DOCK6: variants seen among roughly 807,000 people sequenced by gnomAD.
DOCK6 encodes the protein dedicator of cytokinesis 6, also known as dedicator of cytokinesis protein 6.
A neutral mutation model predicts 230.3 loss-of-function variants in DOCK6; 167 were observed. The ratio of observed to expected loss-of-function variants is 0.73; its 90% CI spans 0.64 to 0.82. The LOEUF (loss-of-function observed/expected upper bound fraction) is 0.82. Ranked by LOEUF, DOCK6 falls within the 40% of genes least tolerant of loss-of-function variation. The pLI is 0.00. For synonymous variants in DOCK6, 1,148 were observed against 1,185.0 expected (o/e 0.97, Z 0.64); for missense variants, 2,598 against 2,825.8 (o/e 0.92, Z 1.83).
rs897769469 is a variant in DOCK6, at chr19:11,223,642, TTTAA to T, written c.2956-540_2956-537del. On this transcript the variant is annotated intron_variant, in intron 24 of 47. Transcript: ENST00000294618. Reference sequence around the variant, plus strand: ...TACCATCATTTATTTTTATTTTAATTTTAATTAATTAATTTATTTTTTGAGATGG... The same window carrying T: ...TACCATCATTTATTTTTATTTTAATTTTAATTAATTTATTTTTTGAGATGG... Among the ~76,000 whole-genome samples, 61 of 152,268 alleles carry T rather than the reference TTTAA, an allele frequency of 4.0e-4. 1 individual carries two copies. The highest frequency in any genetic ancestry group is 2.3e-3 in the East Asian group (12 of 5,184).
Position 11,202,563 on chromosome 19 carries a change from C to A in DOCK6, c.5361+21G>T, listed in dbSNP as rs763753423. The A allele has an allele frequency of 4.3e-6, 7 of 1,613,840 alleles. No homozygotes were observed. Among genetic ancestry groups the A allele is most frequent in the Non-Finnish European group, 5.9e-6 (7 of 1,179,906 alleles). On this transcript the variant is annotated intron_variant, in intron 42 of 47. Transcript: ENST00000294618. This position sits in a 1 kb window ranked among gnomAD's most constrained non-coding sequence, Gnocchi z 5.3. ...CAAGGCAGCCCCATGCCCCGTTCCA[C>A]CCCCAACCACAAGGACGTGCCTCCA... is the stretch of plus-strand genomic sequence containing the variant.
chr19:11,221,687 G>T, intron 28 of DOCK6, 164 bp downstream of exon 28: 1 of 986,116 alleles, frequency 1.0e-6, no homozygotes, highest in Non-Finnish European at 1.5e-6. Flanking sequence ...CTGAGGCTCA[G>T]AGATGTTATG....
At chr19:11,241,503 A>C (rs1362408219) in intron 14 of DOCK6, 3 of 1,552,870 alleles carry the variant, frequency 1.9e-6, no homozygotes, top group Admixed American at 3.9e-5. Context: ...GTGCAGCGGC[A>C]GAGGCGGGAG....
chr19:11,226,781 G>A (rs776345801), intron 24 of DOCK6, among the ~76,000 whole-genome samples: 2 of 152,192 alleles, frequency 1.3e-5, no homozygotes, highest in African/African-American at 4.8e-5. Context: ...TAGCCCCTGA[G>A]GGCATTGGAA....
intron 28 of DOCK6, chr19:11,221,379 C>T: frequency 6.1e-6 from 1 of 164,486 alleles, no homozygotes; most frequent in South Asian, 1.7e-4. Context: ...AGAATTTCCC[C>T]AAACTGATGA....
chr19:11,224,867 A>G (rs2147790835), intron 24 of DOCK6, among the ~76,000 whole-genome samples: 1 of 152,144 alleles, frequency 6.6e-6, no homozygotes, highest in Non-Finnish European at 1.5e-5. Context: ...GTTTGAGATC[A>G]GCCTGGCCAA....
rs1470542380 is a variant in DOCK6 at position 11,252,556 on chromosome 19, G to C, written c.309-6C>G. ...TCACCTGGGCATCCAGTTTTCTGCAGCAAAAGAAGATCAGGGTAAACAGAG... is the reference window on the plus strand; with the variant it reads ...TCACCTGGGCATCCAGTTTTCTGCACCAAAAGAAGATCAGGGTAAACAGAG... On this transcript the variant is annotated splice_polypyrimidine_tract_variant and splice_region_variant and intron_variant, in intron 3 of 47. Transcript: ENST00000294618. The C allele has an allele frequency of 6.2e-7, 1 of 1,613,906 alleles. No homozygotes were observed. The highest frequency in any genetic ancestry group is 2.2e-5 in the East Asian group (1 of 44,880).
chr19:11,260,579 CA>C (rs1008729980), intron 1 of DOCK6, among the ~76,000 whole-genome samples: 1 of 134,548 alleles, frequency 7.4e-6, no homozygotes, highest in Non-Finnish European at 1.6e-5. Context: ...GACCCTGTCT[CA>C]AAAAAAGAAA....
chr19:11,221,281 T>G (rs1213476921), intron 28 of DOCK6: 1 of 158,224 alleles, frequency 6.3e-6, no homozygotes, highest in Non-Finnish European at 1.4e-5. Context: ...ATAACAGATG[T>G]GATCAAAAGG....
intron 28 of DOCK6, among the ~76,000 whole-genome samples, chr19:11,220,215 A>T (rs1264416389): frequency 2.0e-5 from 3 of 152,286 alleles, no homozygotes; most frequent in East Asian, 3.9e-4. Flanking sequence ...CGGCCTCCCA[A>T]AGTGCTGGGA....
At position 11,202,760 on chromosome 19, in the gene DOCK6, C is replaced by G. The variant is rs1408709996; in HGVS notation, c.5236-51G>C. On this transcript the variant is annotated intron_variant, in intron 41 of 47. Transcript: ENST00000294618. The surrounding 1 kb of genome is among the most constrained non-coding windows in gnomAD (Gnocchi z 5.3). Reference sequence around the variant, plus strand: ...TGTCCGGGAGGCCCCTGCTGGAGGTCTCCCTGCCCCAGAGATAGGTGTCTC... The same window carrying G: ...TGTCCGGGAGGCCCCTGCTGGAGGTGTCCCTGCCCCAGAGATAGGTGTCTC... 3 of 1,607,970 alleles carry G rather than the reference C, an allele frequency of 1.9e-6. No individual in the cohort carries two copies. Among genetic ancestry groups the G allele is most frequent in the Non-Finnish European group, 1.7e-6 (2 of 1,179,832 alleles).
rs1212442713 is a variant in DOCK6, at chr19:11,201,245, G to C, written c.5689-193C>G. 6.6e-6 allele frequency among the ~76,000 whole-genome samples: 1 copy of C among 152,112 alleles called. No homozygotes were observed. The highest frequency in any genetic ancestry group is 2.1e-4 in the South Asian group (1 of 4,814). ...TGGGTCTGCTGGGTCTGGTGCCCTGGGGTCCAGGGGCTTTACCTCTGGGGT... is the reference window on the plus strand; with the variant it reads ...TGGGTCTGCTGGGTCTGGTGCCCTGCGGTCCAGGGGCTTTACCTCTGGGGT... On this transcript the variant is annotated intron_variant, in intron 44 of 47. Coordinates refer to ENST00000294618, the MANE Select transcript of DOCK6 (RefSeq NM_020812.4). This position sits in a 1 kb window ranked among gnomAD's most constrained non-coding sequence, Gnocchi z 4.3.
chr19:11,202,709 G>T lies in DOCK6; in HGVS notation c.5236C>A (p.Arg1746Ser), dbSNP rs773139690. 39 of 1,613,620 alleles carry T rather than the reference G, an allele frequency of 2.4e-5. No homozygotes were observed. The highest frequency in any genetic ancestry group is 8.5e-7 in the Non-Finnish European group (1 of 1,179,900). Reference protein sequence around the residue: ...KIMHQSSGWERVFGTYFRVGF... With the variant: ...KIMHQSSGWESVFGTYFRVGF... ...ACGCGGAAATACGTCCCGAACACGC[G>T]CTGGGGCTGTGAGAAAGGGTGTGGT... Residue 1746 changes from arginine to serine, a missense_variant and splice_region_variant, in exon 42 of 48, where the codon CGC becomes AGC. Coordinates refer to ENST00000294618, the MANE Select transcript of DOCK6 (RefSeq NM_020812.4). The surrounding 1 kb of genome is among the most constrained non-coding windows in gnomAD (Gnocchi z 5.3).
At chr19:11,223,715 C>T (rs1048964441) in intron 24 of DOCK6, among the ~76,000 whole-genome samples, 1 of 152,042 alleles carries the variant, frequency 6.6e-6, no homozygotes, top group Non-Finnish European at 1.5e-5. Context: ...GGCACAATCT[C>T]GGCTCACTGC....
At position 11,262,419 on chromosome 19, in the gene DOCK6, C is replaced by T; in HGVS notation, c.22G>A (p.Ala8Thr). ...TACCTGTTGATCTTGTGCGCGAAGG[C>T]GCGGCGCTCGGAGGCAGCCATGGTC... MAASERR[A>T]FAHKINRTVA... is the part of the protein sequence containing the mutation. The change falls in exon 1 of 48, where the codon GCC becomes ACC. Residue 8 changes from alanine to threonine, a missense_variant. Transcript: ENST00000294618. The T allele has an allele frequency of 7.9e-7, 1 of 1,265,710 alleles. No homozygotes were observed. Among genetic ancestry groups the T allele is most frequent in the African/African-American group, 1.5e-5 (1 of 64,826 alleles). The allele number at this position is 1,265,710 out of a possible 1,614,324, so 78.4% of individuals were successfully genotyped here.
intron 37 of DOCK6, among the ~76,000 whole-genome samples, chr19:11,211,216 C>T (rs1318643528): frequency 6.6e-6 from 1 of 151,496 alleles, no homozygotes; most frequent in Non-Finnish European, 1.5e-5. Context: ...CCTGTGGAAA[C>T]TTGAGTCACC....
chr19:11,256,998 C>T (rs748993168), intron 1 of DOCK6, among the ~76,000 whole-genome samples: 11 of 151,148 alleles, frequency 7.3e-5, no homozygotes, highest in Non-Finnish European at 1.5e-4. Context: ...TTTTTTGTGT[C>T]TGTTTTTTTG....
chr19:11,215,354 G>C (rs981071521), intron 32 of DOCK6, 33 bp downstream of exon 32: 1 of 1,600,554 alleles, frequency 6.2e-7, no homozygotes, highest in African/African-American at 1.3e-5. Flanking sequence ...AAACTGTTCT[G>C]AACTCAGCAG....
intron 14 of DOCK6, chr19:11,241,605 A>G: frequency 6.4e-7 from 1 of 1,558,892 alleles, no homozygotes; most frequent in Non-Finnish European, 8.7e-7. Context: ...GGGGGCGCAC[A>G]GGGCAGCTGG....
Sources: gnomAD v4.1 joint callset for allele counts (sites outside exome capture counted in the v4.1 genomes callset) on GRCh38, gnomAD v4.1.1 for gene constraint, Gnocchi (gnomAD v3.1) non-coding constraint, MANE v1.5 for transcripts, NCBI Gene and HGNC (gene_info 2026-07-23, HGNC 2026-07-21) for gene names.